The following CACNA1B variants were observed in gnomAD, a reference collection of about 807,000 sequenced individuals.
CACNA1B encodes calcium voltage-gated channel subunit alpha1 B.
In CACNA1B, 70 loss-of-function variants were observed where a neutral mutation model predicts 247.2. That is an observed-to-expected ratio of 0.28 (90% CI 0.23 to 0.35). The LOEUF (loss-of-function observed/expected upper bound fraction) is 0.35. Among genes scored for constraint, CACNA1B ranks in the 10% least tolerant of loss-of-function variants. The probability of loss-of-function intolerance (pLI) is 1.00; values close to 1 mark genes in which losing one functional copy is unlikely to be tolerated. For missense variants in CACNA1B, 2,367 were observed against 3,197.4 expected (o/e 0.74, Z 6.26); for synonymous variants, 1,231 against 1,294.4 (o/e 0.95, Z 1.05).
chr9:138,112,349 C>T, intron 39 of CACNA1B, 49 bp from the exon 40 acceptor site: 2 of 1,396,806 alleles, frequency 1.4e-6, no homozygotes, highest in Non-Finnish European at 2.0e-6. Flanking sequence ...TGCAGGGCTG[C>T]TCCTAACATC....
At chr9:138,099,413 TATGA>T (rs1961172345) in intron 37 of CACNA1B, among the ~76,000 whole-genome samples, 2 of 152,218 alleles carry the variant, frequency 1.3e-5, no homozygotes, top group Non-Finnish European at 2.9e-5. Flanking sequence ...TGGATGTGTG[TATGA>T]ATGACATGTG....
intron 6 of CACNA1B, among the ~76,000 whole-genome samples, chr9:137,935,478 C>T (rs1957655414): frequency 6.6e-6 from 1 of 152,164 alleles, no homozygotes; most frequent in African/African-American, 2.4e-5. Context: ...GTATATGTGC[C>T]ACATTTTTCT....
At position 137,971,912 on chromosome 9, in the gene CACNA1B, C is replaced by T. The variant is rs563210101; in HGVS notation, c.1543+320C>T. 5.3e-5 allele frequency among the ~76,000 whole-genome samples: 8 copies of T among 152,232 alleles called. No individual in the cohort carries two copies. In the East Asian group the frequency reaches 9.7e-4, roughly 18 times the overall value. On this transcript the variant is annotated intron_variant, in intron 11 of 46. Coordinates refer to ENST00000371372, the MANE Select transcript of CACNA1B (RefSeq NM_000718.4). This position sits in a 1 kb window ranked among gnomAD's most constrained non-coding sequence, Gnocchi z 4.4. ...AGGATATATGTGGGACGACCAGGGG[C>T]GAGTCAGGCCAGGCAGATGGGTGTC...
chr9:138,023,814 G>A lies in CACNA1B; in HGVS notation c.3068+3G>A, dbSNP rs775424772. ...GAGCTCCGGAACCACCAGCCCCGGTGAGTCCGCGGCTGGGCGGGGTCAGGG... is the reference window on the plus strand; with the variant it reads ...GAGCTCCGGAACCACCAGCCCCGGTAAGTCCGCGGCTGGGCGGGGTCAGGG... On this transcript the variant is annotated splice_donor_region_variant and intron_variant, in intron 19 of 46. Coordinates refer to ENST00000371372, the MANE Select transcript of CACNA1B (RefSeq NM_000718.4). The A allele has an allele frequency of 3.8e-6, 5 of 1,332,324 alleles. No individual in the cohort carries two copies. Among genetic ancestry groups the A allele is most frequent in the East Asian group, 2.5e-5 (1 of 39,714 alleles). 82.5% of individuals were successfully genotyped at this position (1,332,324 alleles called of 1,614,324 possible).
intron 36 of CACNA1B, among the ~76,000 whole-genome samples, chr9:138,092,081 G>T (rs144059359): frequency 2.0e-5 from 3 of 152,178 alleles, no homozygotes; most frequent in Non-Finnish European, 2.9e-5. Context: ...GGGCAGAGAG[G>T]CAGAGCAAGA....
At chr9:137,977,987 A>G (rs1342912625) in intron 12 of CACNA1B, among the ~76,000 whole-genome samples, 1 of 144,686 alleles carries the variant, frequency 6.9e-6, no homozygotes, top group Non-Finnish European at 1.5e-5. Flanking sequence ...CCTCCCTCCC[A>G]GGAAGGAGTG....
At chr9:137,945,741 C>A (rs1957788139) in intron 6 of CACNA1B, among the ~76,000 whole-genome samples, 1 of 152,216 alleles carries the variant, frequency 6.6e-6, no homozygotes, top group Non-Finnish European at 1.5e-5. Flanking sequence ...TGCATAATTT[C>A]ACTTTCACAA....
intron 15 of CACNA1B, among the ~76,000 whole-genome samples, chr9:138,000,552 A>G (rs1345228560): frequency 6.6e-6 from 1 of 152,240 alleles, no homozygotes; most frequent in Admixed American, 6.5e-5. Context: ...CCCAGTCATT[A>G]TAAGGCGAGT....
rs762197309 is a variant in CACNA1B at position 138,058,664 on chromosome 9, G to A, written c.4404G>A (p.Val1468=). ...TCCAGTATAAGACGTGGACATTTGT[G>A]GTCTCCCCGCCCTTTGAATACTTCA... ...QSFQYKTWTF[V]VSPPFEYFIM... The change falls in exon 29 of 47, where the codon GTG becomes GTA. Residue 1468 remains valine, a synonymous_variant. Transcript: ENST00000371372. This position sits in a 1 kb window ranked among gnomAD's most constrained non-coding sequence, Gnocchi z 4.7. 2.5e-6 allele frequency: 4 copies of A among 1,613,226 alleles called. No homozygotes were observed. In the East Asian group the frequency reaches 8.9e-5, roughly 36 times the overall value.
chr9:137,902,746 T>G (rs56376782), intron 3 of CACNA1B, among the ~76,000 whole-genome samples: 19,732 of 152,190 alleles, frequency 0.13, 1,552 homozygotes, highest in East Asian at 0.41. Context: ...GATATCACCC[T>G]CCAGGGCTAC....
chr9:138,096,751 C>T (rs901238894), intron 37 of CACNA1B, 140 bp downstream of exon 37: 11 of 701,212 alleles, frequency 1.6e-5, no homozygotes, highest in South Asian at 7.2e-5. Context: ...TGTCCTGTTT[C>T]GTGTAGAGCA....
rs544608386 is a variant in CACNA1B at position 138,052,268 on chromosome 9, A to T, written c.3807+80A>T. 6 of 499,426 alleles carry T rather than the reference A, an allele frequency of 1.2e-5. No individual in the cohort carries two copies. The South Asian group carries it at 1.8e-4, about 15-fold the overall frequency. 30.9% of individuals were successfully genotyped at this position (499,426 alleles called of 1,614,324 possible). On this transcript the variant is annotated intron_variant, in intron 25 of 46. Coordinates refer to ENST00000371372, the MANE Select transcript of CACNA1B (RefSeq NM_000718.4). This position sits in a 1 kb window ranked among gnomAD's most constrained non-coding sequence, Gnocchi z 5.1. ...TGTGTGCGTGTGTGTGTGTGTATGCATGCAGTGCATGAGTGTGTGTGTGTT... is the reference window on the plus strand; with the variant it reads ...TGTGTGCGTGTGTGTGTGTGTATGCTTGCAGTGCATGAGTGTGTGTGTGTT...
In CACNA1B at chr9:138,011,140, T is replaced by C. The variant is rs1958719199; in HGVS notation, c.2160+1063T>C. ...GGCGCTCTGGTTTCTGGCTTCTCTC[T>C]GTTCCTGTCTTCAGCTGGGCCGCTT... On this transcript the variant is annotated intron_variant, in intron 17 of 46. Transcript: ENST00000371372. This position sits in a 1 kb window ranked among gnomAD's most constrained non-coding sequence, Gnocchi z 4.2. 6.6e-6 allele frequency among the ~76,000 whole-genome samples: 1 copy of C among 152,228 alleles called. No homozygotes were observed. Among genetic ancestry groups the C allele is most frequent in the Non-Finnish European group, 1.5e-5 (1 of 68,034 alleles).
At position 137,892,791 on chromosome 9, in the gene CACNA1B, G is replaced by A. The variant is rs576946343; in HGVS notation, c.530+9908G>A. ...GTACAGCGTGTGGGGAGGGAATGGT[G>A]TCCCTGTTCCCATCACGGGCCTACT... On this transcript the variant is annotated intron_variant, in intron 3 of 46. Transcript: ENST00000371372. Among the ~76,000 whole-genome samples the A allele has an allele frequency of 3.3e-5, 5 of 152,358 alleles. No homozygotes were observed. The South Asian group carries it at 6.2e-4, about 19-fold the overall frequency.
Position 138,007,605 on chromosome 9 carries a change from G to T in CACNA1B, c.2092+721G>T, listed in dbSNP as rs950201043. Among the ~76,000 whole-genome samples, 2 of 152,170 alleles carry T rather than the reference G, an allele frequency of 1.3e-5. No homozygotes were observed. The highest frequency in any genetic ancestry group is 4.8e-5 in the African/African-American group (2 of 41,430). On this transcript the variant is annotated intron_variant, in intron 16 of 46. Coordinates refer to ENST00000371372, the MANE Select transcript of CACNA1B (RefSeq NM_000718.4). The surrounding 1 kb of genome is among the most constrained non-coding windows in gnomAD (Gnocchi z 4.1). Reference sequence around the variant, plus strand: ...ATCTGGGCATCACAGTCCCCTGAGGGATGGTAAGCCTGGATTCCAGCCCTA... The same window carrying T: ...ATCTGGGCATCACAGTCCCCTGAGGTATGGTAAGCCTGGATTCCAGCCCTA...
intron 12 of CACNA1B, among the ~76,000 whole-genome samples, chr9:137,981,507 C>T (rs1288142819): frequency 6.6e-6 from 1 of 152,152 alleles, no homozygotes; most frequent in Non-Finnish European, 1.5e-5. Flanking sequence ...GTGTGTGTCT[C>T]GCTCTGTTGC....
intron 23 of CACNA1B, among the ~76,000 whole-genome samples, chr9:138,048,729 T>C (rs1959205343): frequency 6.6e-6 from 1 of 152,170 alleles, no homozygotes; most frequent in Non-Finnish European, 1.5e-5. Context: ...TTTGGTTTGG[T>C]TTTTTGAGAC....
intron 21 of CACNA1B, among the ~76,000 whole-genome samples, chr9:138,045,608 GA>G (rs1308452188): frequency 1.3e-5 from 2 of 152,216 alleles, no homozygotes; most frequent in Admixed American, 1.3e-4. Context: ...CCCGCCTGCA[GA>G]CCCTGCAAAG....
chr9:138,088,867 G>C (rs1960786680), intron 36 of CACNA1B, among the ~76,000 whole-genome samples: 1 of 149,262 alleles, frequency 6.7e-6, no homozygotes, highest in African/African-American at 2.5e-5. Flanking sequence ...GCTGAGGCAG[G>C]GGACTTTCTT....
Sources: allele counts gnomAD v4.1 joint callset (sites outside exome capture counted in the v4.1 genomes callset), GRCh38; gene constraint gnomAD v4.1.1; non-coding constraint Gnocchi (gnomAD v3.1); transcripts MANE v1.5; gene names NCBI Gene and HGNC (gene_info 2026-07-23, HGNC 2026-07-21).